Variants in DENR observed in about 807,000 individuals in gnomAD.
DENR encodes density regulated re-initiation and release factor.
Under a neutral mutation model 30.6 loss-of-function variants are expected in DENR, and 6 were observed. That is an observed-to-expected ratio of 0.20 (90% CI 0.11 to 0.39). The LOEUF is 0.39. Among genes scored for constraint, DENR ranks in the 10% least tolerant of loss-of-function variants. DENR has a pLI of 1.00. For synonymous variants in DENR, 78 were observed against 72.1 expected (o/e 1.08, Z -0.41); for missense variants, 141 against 230.9 (o/e 0.61, Z 2.52).
At chr12:122,759,184 G>A (rs934263824) in intron 2 of DENR, among the ~76,000 whole-genome samples, 2 of 152,132 alleles carry the variant, frequency 1.3e-5, no homozygotes, top group African/African-American at 4.8e-5. Flanking sequence ...ATTTTGGCAA[G>A]AAAGTTTCGT....
rs747239730 is a variant in DENR, at chr12:122,769,514, C to CTCT, written c.*437_*438insCTT. 251 of 651,218 alleles carry CTCT rather than the reference C, an allele frequency of 3.9e-4. No individual in the cohort carries two copies. Among genetic ancestry groups the CTCT allele is most frequent in the East Asian group, 1.1e-3 (8 of 7,210 alleles). The allele number at this position is 651,218 out of a possible 1,614,324, so 40.3% of individuals were successfully genotyped here. ...TGACTTTCTCTCTCTCTCTCTCTCT[C>CTCT]TTTTTTTTTTTTGACAGAGTCTCGC... On this transcript the variant is annotated 3_prime_UTR_variant, in exon 8 of 8. Transcript: ENST00000280557.
chr12:122,762,318 C>A, intron 3 of DENR, 112 bp downstream of exon 3: 1 of 750,204 alleles, frequency 1.3e-6, no homozygotes, highest in Non-Finnish European at 2.1e-6. Flanking sequence ...GATAGTAAAG[C>A]TTTAACCTTT....
Position 122,769,538 on chromosome 12 carries a change from G to C in DENR, c.*460G>C, listed in dbSNP as rs527618216. 18 of 936,838 alleles carry C rather than the reference G, an allele frequency of 1.9e-5. No homozygotes were observed. Among genetic ancestry groups the C allele is most frequent in the Non-Finnish European group, 2.3e-5 (18 of 781,954 alleles). 58.0% of individuals were successfully genotyped at this position (936,838 alleles called of 1,614,324 possible). ...TCTTTTTTTTTTTTGACAGAGTCTC[G>C]CACTGTTGCCTGGGCTGGAATGCAG... On this transcript the variant is annotated 3_prime_UTR_variant, in exon 8 of 8. Coordinates refer to ENST00000280557, the MANE Select transcript of DENR (RefSeq NM_003677.5).
rs1566061557 is a variant in DENR at position 122,769,255 on chromosome 12, T to TATACATACACATATATGTATAC, written c.*181_*202dup. The TATACATACACATATATGTATAC allele has an allele frequency of 2.6e-3, 1,799 of 686,738 alleles. 69 individuals are homozygous for TATACATACACATATATGTATAC. In the African/African-American group the frequency reaches 0.04, roughly 15 times the overall value. The allele number at this position is 686,738 out of a possible 1,614,324, so 42.5% of individuals were successfully genotyped here. On this transcript the variant is annotated 3_prime_UTR_variant, in exon 8 of 8. Coordinates refer to ENST00000280557, the MANE Select transcript of DENR (RefSeq NM_003677.5). Reference sequence around the variant, plus strand: ...GTGTGTATGTATACATGTATATATATATACATACACATATATGTATACATA... The same window carrying TATACATACACATATATGTATAC: ...GTGTGTATGTATACATGTATATATATATACATACACATATATGTATACATACATACACATATATGTATACATA...
chr12:122,769,176 A>G lies in DENR; in HGVS notation c.*98A>G, dbSNP rs1878933959. 35 of 1,076,100 alleles carry G rather than the reference A, an allele frequency of 3.3e-5. No individual in the cohort carries two copies. The highest frequency in any genetic ancestry group is 9.2e-5 in the South Asian group (4 of 43,438). The allele number at this position is 1,076,100 out of a possible 1,614,324, so 66.7% of individuals were successfully genotyped here. A position where few individuals can be genotyped will look rare whatever the true frequency, so the allele number is the denominator to read the frequency against. ...AATATATATATATATACACATATAT[A>G]TGTATATATACACATATATGTATGT... On this transcript the variant is annotated 3_prime_UTR_variant, in exon 8 of 8. Coordinates refer to ENST00000280557, the MANE Select transcript of DENR (RefSeq NM_003677.5).
At position 122,769,984 on chromosome 12, in the gene DENR, A is replaced by G. The variant is rs1317824994; in HGVS notation, c.*906A>G. The G allele has an allele frequency of 6.6e-6, 1 of 152,500 alleles. No homozygotes were observed. Among genetic ancestry groups the G allele is most frequent in the Non-Finnish European group, 1.5e-5 (1 of 68,032 alleles). The allele number at this position is 152,500 out of a possible 1,614,324, so 9.4% of individuals were successfully genotyped here. Reference sequence around the variant, plus strand: ...GCTTCTTTGATGTGATAGTTTTGAGATGGGTGAGAATCTAATAGATCTGTG... The same window carrying G: ...GCTTCTTTGATGTGATAGTTTTGAGGTGGGTGAGAATCTAATAGATCTGTG... On this transcript the variant is annotated 3_prime_UTR_variant, in exon 8 of 8. Transcript: ENST00000280557.
At position 122,762,190 on chromosome 12, in the gene DENR, GTT is replaced by G; in HGVS notation, c.111_112del (p.Ser38IlefsTer7). On this transcript the variant is annotated frameshift_variant, in exon 3 of 8. Coordinates refer to ENST00000280557, the MANE Select transcript of DENR (RefSeq NM_003677.5). LOFTEE classifies it high-confidence loss of function. ...TTTTTTCTTTTTACTTCCTCAGTCT[GTT>G]CATTACCAACAGAGGTAAGTTCTTT... 7.0e-7 allele frequency: 1 copy of G among 1,428,082 alleles called. No individual in the cohort carries two copies. The highest frequency in any genetic ancestry group is 9.5e-7 in the Non-Finnish European group (1 of 1,050,170). 88.5% of individuals were successfully genotyped at this position (1,428,082 alleles called of 1,614,324 possible).
At position 122,765,405 on chromosome 12, in the gene DENR, A is replaced by G. The variant is rs1162977938; in HGVS notation, c.295+18A>G. The stretch of plus-strand genomic sequence containing the variant: ...GAAGAGAGGTAAGACCTAAATTCAC[A>G]TCTTGATTTGTACAGTCATACCGTC... On this transcript the variant is annotated intron_variant, in intron 5 of 7. Coordinates refer to ENST00000280557, the MANE Select transcript of DENR (RefSeq NM_003677.5). 4.5e-6 allele frequency: 7 copies of G among 1,540,220 alleles called. No homozygotes were observed. Among genetic ancestry groups the G allele is most frequent in the East Asian group, 2.4e-5 (1 of 40,852 alleles).
intron 6 of DENR, chr12:122,768,040 G>T (rs1878892350): frequency 6.5e-6 from 1 of 153,464 alleles, no homozygotes; most frequent in Non-Finnish European, 1.4e-5. Context: ...AGTGAAACTG[G>T]GTGAAAATGT....
At position 122,770,267 on chromosome 12, in the gene DENR, A is replaced by G. The variant is rs2135514535; in HGVS notation, c.*1189A>G. On this transcript the variant is annotated 3_prime_UTR_variant, in exon 8 of 8. Coordinates refer to ENST00000280557, the MANE Select transcript of DENR (RefSeq NM_003677.5). ...TTTATAATAAAAAATTGCAAATGTT[A>G]TAAATGAACAATTGGGAAATGGTTA... is the stretch of plus-strand genomic sequence containing the variant. The G allele has an allele frequency of 5.5e-6, 1 of 181,896 alleles. No individual in the cohort carries two copies. The highest frequency in any genetic ancestry group is 2.3e-3 in the Middle Eastern group (1 of 432). The allele number at this position is 181,896 out of a possible 1,614,324, so 11.3% of individuals were successfully genotyped here. A position where few individuals can be genotyped will look rare whatever the true frequency, so the allele number is the denominator to read the frequency against.
intron 2 of DENR, among the ~76,000 whole-genome samples, chr12:122,758,873 G>A (rs1386682225): frequency 2.0e-5 from 3 of 148,014 alleles, no homozygotes; most frequent in South Asian, 2.1e-4. Flanking sequence ...TTGAGTTGGA[G>A]TCTTGCCCTG....
Position 122,760,920 on chromosome 12 carries a change from C to G in DENR, c.107-1267C>G, listed in dbSNP as rs143669701. The stretch of plus-strand genomic sequence containing the variant: ...TCTTATGTAGCATAACATGAAAAAG[C>G]CTTGGCAACATAGCGAGATCCCGTC... On this transcript the variant is annotated intron_variant, in intron 2 of 7. Transcript: ENST00000280557. Among the ~76,000 whole-genome samples the G allele has an allele frequency of 4.6e-3, 696 of 152,212 alleles. 8 individuals are homozygous for G. The highest frequency in any genetic ancestry group is 0.016 in the African/African-American group (665 of 41,532).
chr12:122,759,449 T>C (rs1878638582), intron 2 of DENR, among the ~76,000 whole-genome samples: 2 of 152,202 alleles, frequency 1.3e-5, no homozygotes, highest in Admixed American at 1.3e-4. Context: ...GCACAGTGGC[T>C]CACACCTGTA....
Position 122,769,228 on chromosome 12 carries a change from ATGTG to A in DENR, c.*154_*157del, listed in dbSNP as rs1183371596. ...TACACATATACACATGTATATATAC[ATGTG>A]TGTATGTATACATGTATATATATAT... On this transcript the variant is annotated 3_prime_UTR_variant, in exon 8 of 8. Coordinates refer to ENST00000280557, the MANE Select transcript of DENR (RefSeq NM_003677.5). 1.5e-5 allele frequency: 12 copies of A among 804,904 alleles called. No homozygotes were observed. Among genetic ancestry groups the A allele is most frequent in the Middle Eastern group, 5.0e-4 (1 of 2,006 alleles). 49.9% of individuals were successfully genotyped at this position (804,904 alleles called of 1,614,324 possible). A position where few individuals can be genotyped will look rare whatever the true frequency, so the allele number is the denominator to read the frequency against.
intron 2 of DENR, among the ~76,000 whole-genome samples, chr12:122,761,243 C>A (rs1164851640): frequency 2.0e-5 from 3 of 151,244 alleles, no homozygotes; most frequent in Non-Finnish European, 2.9e-5. Flanking sequence ...GAAACCCCGT[C>A]TCTACTAAAA....
At chr12:122,760,506 C>T (rs1340551829) in intron 2 of DENR, among the ~76,000 whole-genome samples, 4 of 151,194 alleles carry the variant, frequency 2.6e-5, no homozygotes, top group African/African-American at 7.3e-5. Context: ...CTGAGGCGGG[C>T]GGATCACAAG....
chr12:122,757,471 A>G (rs1015517964), intron 2 of DENR, among the ~76,000 whole-genome samples: 1 of 152,226 alleles, frequency 6.6e-6, no homozygotes, highest in African/African-American at 2.4e-5. Context: ...GAGAACTGAA[A>G]AAAGGGAAAG....
At chr12:122,754,217 G>C (rs756127068) in intron 2 of DENR, 2 of 236,358 alleles carry the variant, frequency 8.5e-6, no homozygotes, top group Non-Finnish European at 1.7e-5. Context: ...TGTCTGTGAA[G>C]AAGTGAGCAG....
At chr12:122,758,809 A>G (rs1233063059) in intron 2 of DENR, among the ~76,000 whole-genome samples, 4 of 151,488 alleles carry the variant, frequency 2.6e-5, no homozygotes, top group African/African-American at 9.7e-5. Context: ...CTCTTTAACA[A>G]AAAAAAAGAA....
Sources: gnomAD v4.1 joint callset for allele counts (sites outside exome capture counted in the v4.1 genomes callset) on GRCh38, gnomAD v4.1.1 for gene constraint, MANE v1.5 for transcripts, NCBI Gene and HGNC (gene_info 2026-07-23, HGNC 2026-07-21) for gene names.